Variants in KCNQ1OT1 observed in about 807,000 individuals in gnomAD.
KCNQ1OT1 encodes the protein KCNQ1 opposite strand/antisense transcript 1, also known as KCNQ1 antisense RNA 2 (non-protein coding).
exon 1 of KCNQ1OT1, chr11:2,634,091 T>C: frequency 2.5e-6 from 1 of 398,424 alleles, no homozygotes; most frequent in Non-Finnish European, 4.4e-6. Context: ...CCATGCAAGT[T>C]TAAGGATTGT....
At chr11:2,635,702 T>C (rs954317589) in exon 1 of KCNQ1OT1, 8 of 152,228 alleles carry the variant, frequency 5.3e-5, no homozygotes, top group African/African-American at 1.9e-4. Context: ...AAAGTAGTTT[T>C]TTTCCAATTC....
exon 1 of KCNQ1OT1, chr11:2,665,111 C>T (rs1287361878): frequency 5.0e-6 from 2 of 398,618 alleles, no homozygotes; most frequent in Non-Finnish European, 8.8e-6. Flanking sequence ...GGCGTCGCTG[C>T]ACCCCAGCCT....
exon 1 of KCNQ1OT1, chr11:2,640,795 AT>A: frequency 2.5e-6 from 1 of 398,514 alleles, no homozygotes; most frequent in South Asian, 1.3e-4. Flanking sequence ...CTAGCTGTGT[AT>A]TTTTACCCAC....
chr11:2,679,514 G>A lies in KCNQ1OT1; in HGVS notation n.20481C>T. The A allele has an allele frequency of 2.5e-6, 1 of 398,588 alleles. No homozygotes were observed. Among genetic ancestry groups the A allele is most frequent in the Middle Eastern group, 6.3e-4 (1 of 1,588 alleles). 24.7% of individuals were successfully genotyped at this position (398,588 alleles called of 1,614,324 possible). ...AGTAGTGACACAGTGTTACTTAAAT[G>A]TATTGCTATACCTCATGATGGCCAT... On this transcript the variant is annotated non_coding_transcript_exon_variant, in exon 1 of 1. Coordinates refer to ENST00000597346, the Ensembl canonical transcript of KCNQ1OT1. The surrounding 1 kb of genome is among the most constrained non-coding windows in gnomAD (Gnocchi z 4.8).
chr11:2,619,941 T>C (rs888045129), exon 1 of KCNQ1OT1: 14 of 372,796 alleles, frequency 3.8e-5, no homozygotes, highest in Non-Finnish European at 9.3e-6. Context: ...GATGATGAGG[T>C]TTGGAGTGTG....
rs994492906 is a variant in KCNQ1OT1 at position 2,669,009 on chromosome 11, A to G, written n.30986T>C. ...CGAGGTCAAGGTCCACTCTTCCCCT[A>G]CTTGGATATCCAGTCTAGCTCAGCA... On this transcript the variant is annotated non_coding_transcript_exon_variant, in exon 1 of 1. Coordinates refer to ENST00000597346, the Ensembl canonical transcript of KCNQ1OT1. This position sits in a 1 kb window ranked among gnomAD's most constrained non-coding sequence, Gnocchi z 5.6. The G allele has an allele frequency of 5.0e-6, 2 of 398,504 alleles. No individual in the cohort carries two copies. Among genetic ancestry groups the G allele is most frequent in the Non-Finnish European group, 8.8e-6 (2 of 226,048 alleles). 24.7% of individuals were successfully genotyped at this position (398,504 alleles called of 1,614,324 possible). A position where few individuals can be genotyped will look rare whatever the true frequency, so the allele number is the denominator to read the frequency against.
rs1418051533 is a variant in KCNQ1OT1, at chr11:2,608,884, CTG to C, written n.91109_91110del. 1 of 398,316 alleles carries C rather than the reference CTG, an allele frequency of 2.5e-6. No individual in the cohort carries two copies. Among genetic ancestry groups the C allele is most frequent in the African/African-American group, 2.1e-5 (1 of 48,570 alleles). The allele number at this position is 398,316 out of a possible 1,614,324, so 24.7% of individuals were successfully genotyped here. Reference sequence around the variant, plus strand: ...CCCTTTGCCTCATGCACTTCCCTCTCTGTCTTTCCTCCTCCCCCTCTTTCTTC... The same window carrying C: ...CCCTTTGCCTCATGCACTTCCCTCTCTCTTTCCTCCTCCCCCTCTTTCTTC... On this transcript the variant is annotated non_coding_transcript_exon_variant, in exon 1 of 1. Coordinates refer to ENST00000597346, the Ensembl canonical transcript of KCNQ1OT1. The surrounding 1 kb of genome is among the most constrained non-coding windows in gnomAD (Gnocchi z 4.6).
At chr11:2,640,561 C>G in exon 1 of KCNQ1OT1, 1 of 294,648 alleles carries the variant, frequency 3.4e-6, no homozygotes, top group Admixed American at 9.1e-5. Context: ...ACTGGGATTT[C>G]CTTTTTTTTT....
exon 1 of KCNQ1OT1, chr11:2,622,849 G>A (rs751109509): frequency 4.8e-5 from 19 of 398,492 alleles, no homozygotes; most frequent in Non-Finnish European, 7.1e-5. Flanking sequence ...AGAGTGGCAC[G>A]TTTGTTACAA....
In KCNQ1OT1 at chr11:2,678,598, G is replaced by C. The variant is rs928666146; in HGVS notation, n.21397C>G. ...TATGATGCACTTATCTGTGTAGCAGGACTCCCCCTCATCTCCATTACTTAA... is the reference window on the plus strand; with the variant it reads ...TATGATGCACTTATCTGTGTAGCAGCACTCCCCCTCATCTCCATTACTTAA... On this transcript the variant is annotated non_coding_transcript_exon_variant, in exon 1 of 1. Transcript: ENST00000597346. This position sits in a 1 kb window ranked among gnomAD's most constrained non-coding sequence, Gnocchi z 4.9. 7 of 398,432 alleles carry C rather than the reference G, an allele frequency of 1.8e-5. No individual in the cohort carries two copies. Among genetic ancestry groups the C allele is most frequent in the African/African-American group, 4.1e-5 (2 of 48,610 alleles). The allele number at this position is 398,432 out of a possible 1,614,324, so 24.7% of individuals were successfully genotyped here.
Position 2,690,453 on chromosome 11 carries a change from G to A in KCNQ1OT1, n.9542C>T. 1 of 398,636 alleles carries A rather than the reference G, an allele frequency of 2.5e-6. No individual in the cohort carries two copies. The highest frequency in any genetic ancestry group is 1.3e-4 in the South Asian group (1 of 7,850). 24.7% of individuals were successfully genotyped at this position (398,636 alleles called of 1,614,324 possible). On this transcript the variant is annotated non_coding_transcript_exon_variant, in exon 1 of 1. Transcript: ENST00000597346. This position sits in a 1 kb window ranked among gnomAD's most constrained non-coding sequence, Gnocchi z 5.1. ...GGGAGCTAGAGCTGGGTTAAGATAA[G>A]AGCAGAGACTGGGTCCTGGGAACAG...
In KCNQ1OT1 at chr11:2,698,446, C is replaced by G. The variant is rs913834142; in HGVS notation, n.1549G>C. Reference sequence around the variant, plus strand: ...TCAAGCCTACTACCCAGACTGAGACCTGCATCTGATCAACTCTCATCTCCA... The same window carrying G: ...TCAAGCCTACTACCCAGACTGAGACGTGCATCTGATCAACTCTCATCTCCA... On this transcript the variant is annotated non_coding_transcript_exon_variant, in exon 1 of 1. Coordinates refer to ENST00000597346, the Ensembl canonical transcript of KCNQ1OT1. The surrounding 1 kb of genome is among the most constrained non-coding windows in gnomAD (Gnocchi z 5.1). 2 of 310,114 alleles carry G rather than the reference C, an allele frequency of 6.4e-6. No individual in the cohort carries two copies. Among genetic ancestry groups the G allele is most frequent in the Non-Finnish European group, 1.0e-5 (2 of 191,146 alleles). The allele number at this position is 310,114 out of a possible 1,614,324, so 19.2% of individuals were successfully genotyped here.
At chr11:2,630,659 A>G (rs1325056806) in exon 1 of KCNQ1OT1, 5 of 398,144 alleles carry the variant, frequency 1.3e-5, no homozygotes, top group Non-Finnish European at 2.2e-5. Context: ...TTGCCCGTAT[A>G]TTTATTTATC....
At position 2,687,067 on chromosome 11, in the gene KCNQ1OT1, G is replaced by C; in HGVS notation, n.12928C>G. On this transcript the variant is annotated non_coding_transcript_exon_variant, in exon 1 of 1. Transcript: ENST00000597346. The surrounding 1 kb of genome is among the most constrained non-coding windows in gnomAD (Gnocchi z 5.0). ...GCTCTGGGGGACAAGGACCCACAAA[G>C]TGATGCAAGATATCCTGAGTTGGGT... is the stretch of plus-strand genomic sequence containing the variant. 2.5e-6 allele frequency: 1 copy of C among 398,658 alleles called. No homozygotes were observed. Among genetic ancestry groups the C allele is most frequent in the Non-Finnish European group, 4.4e-6 (1 of 226,082 alleles). 24.7% of individuals were successfully genotyped at this position (398,658 alleles called of 1,614,324 possible).
In KCNQ1OT1 at chr11:2,659,188, T is replaced by C. The variant is rs1326683577; in HGVS notation, n.40807A>G. 4 of 398,516 alleles carry C rather than the reference T, an allele frequency of 1.0e-5. No homozygotes were observed. Among genetic ancestry groups the C allele is most frequent in the African/African-American group, 8.2e-5 (4 of 48,636 alleles). The allele number at this position is 398,516 out of a possible 1,614,324, so 24.7% of individuals were successfully genotyped here. A position where few individuals can be genotyped will look rare whatever the true frequency, so the allele number is the denominator to read the frequency against. ...GTTTTGACAGATGTCTGGAGTCATG[T>C]GTCCACAATCCAGTATCATTCACAG... On this transcript the variant is annotated non_coding_transcript_exon_variant, in exon 1 of 1. Coordinates refer to ENST00000597346, the Ensembl canonical transcript of KCNQ1OT1. The surrounding 1 kb of genome is among the most constrained non-coding windows in gnomAD (Gnocchi z 4.3).
In KCNQ1OT1 at chr11:2,642,482, GTT is replaced by G. The variant is rs2133831379; in HGVS notation, n.57511_57512del. 2.5e-6 allele frequency: 1 copy of G among 397,972 alleles called. No homozygotes were observed. Among genetic ancestry groups the G allele is most frequent in the African/African-American group, 2.1e-5 (1 of 48,726 alleles). The allele number at this position is 397,972 out of a possible 1,614,324, so 24.7% of individuals were successfully genotyped here. On this transcript the variant is annotated non_coding_transcript_exon_variant, in exon 1 of 1. Coordinates refer to ENST00000597346, the Ensembl canonical transcript of KCNQ1OT1. This position sits in a 1 kb window ranked among gnomAD's most constrained non-coding sequence, Gnocchi z 4.3. ...ATCAATTTATTGATCAGACTGAAGA[GTT>G]TTGATTTTTGTATTTCATGGTATGA...
chr11:2,615,474 T>C (rs1029892227), exon 1 of KCNQ1OT1: 2 of 397,984 alleles, frequency 5.0e-6, no homozygotes, highest in African/African-American at 4.1e-5. Context: ...CAGCCATATC[T>C]TACTCTTTGT....
At chr11:2,681,693 T>C (rs1850401095) in exon 1 of KCNQ1OT1, 3 of 334,722 alleles carry the variant, frequency 9.0e-6, no homozygotes, top group Non-Finnish European at 1.6e-5. Flanking sequence ...CAGGCTGCCG[T>C]TGCTTCCCAT....
At chr11:2,666,498 C>T in exon 1 of KCNQ1OT1, 1 of 398,700 alleles carries the variant, frequency 2.5e-6, no homozygotes, top group Non-Finnish European at 4.4e-6. Flanking sequence ...TTGCTCTTTT[C>T]CAGCAAGGCC....
Sources: allele counts gnomAD v4.1 joint callset, GRCh38; gene constraint gnomAD v4.1.1; non-coding constraint Gnocchi (gnomAD v3.1); transcripts MANE v1.5; gene names NCBI Gene and HGNC (gene_info 2026-07-23, HGNC 2026-07-21).